Variants in SCLT1 observed in about 807,000 individuals in gnomAD.
SCLT1 encodes the protein sodium channel and clathrin linker 1.
In SCLT1, 78 loss-of-function variants were observed where a neutral mutation model predicts 112.8. The observed-to-expected ratio is 0.69, with a 90% CI of 0.58 to 0.83. The LOEUF is 0.83. Among genes scored for constraint, SCLT1 ranks in the 40% least tolerant of loss-of-function variants. SCLT1 has a pLI of 0.00. For synonymous variants in SCLT1, 257 were observed against 254.7 expected (o/e 1.01, Z -0.09); for missense variants, 747 against 770.4 (o/e 0.97, Z 0.36).
chr4:129,059,327 G>A (rs1749739897), intron 2 of SCLT1, among the ~76,000 whole-genome samples: 1 of 151,968 alleles, frequency 6.6e-6, no homozygotes, highest in Non-Finnish European at 1.5e-5. Flanking sequence ...TTTGTTATTT[G>A]TTTTCTGGTG....
In SCLT1 at chr4:128,876,972, T is replaced by TG. The variant is rs1373120269; in HGVS notation, n.226-337_226-336insC. ...TTGCTTCGATCCCACCACCATTTGCTATATAATTCAGGTCTCTTCATTTTT... is the reference window on the plus strand; with the variant it reads ...TTGCTTCGATCCCACCACCATTTGCTGATATAATTCAGGTCTCTTCATTTTT... On this transcript the variant is annotated intron_variant and non_coding_transcript_variant, in intron 3 of 7. Transcript: ENST00000503565. Among the ~76,000 whole-genome samples, 34 of 152,382 alleles carry TG rather than the reference T, an allele frequency of 2.2e-4. 2 individuals are homozygous for TG. Among genetic ancestry groups the TG allele is most frequent in the African/African-American group, 7.9e-4 (33 of 41,598 alleles).
intron 4 of SCLT1, chr4:129,040,030 A>T (rs914337027): frequency 9.8e-5 from 59 of 599,990 alleles, no homozygotes; most frequent in Non-Finnish European, 9.0e-6. Flanking sequence ...CCTAAGCTAA[A>T]GGAGAGAAGC....
chr4:129,001,015 A>T (rs1232709293), intron 6 of SCLT1, among the ~76,000 whole-genome samples: 1 of 152,036 alleles, frequency 6.6e-6, no homozygotes, highest in South Asian at 2.1e-4. Flanking sequence ...TTGTAGATAA[A>T]CACAGAATAT....
intron 2 of SCLT1, among the ~76,000 whole-genome samples, chr4:129,046,175 C>G (rs1018472797): frequency 4.6e-5 from 7 of 152,098 alleles, no homozygotes; most frequent in African/African-American, 1.7e-4. Flanking sequence ...AAGTACTCTT[C>G]ACTTTGCATA....
chr4:128,880,882 C>G (rs770329053), downstream of SCLT1, among the ~76,000 whole-genome samples: 1 of 152,104 alleles, frequency 6.6e-6, no homozygotes, highest in Non-Finnish European at 1.5e-5. Flanking sequence ...GAAGCCGTAT[C>G]TATTCTCTGG....
intron 18 of SCLT1, among the ~76,000 whole-genome samples, chr4:128,930,436 T>C (rs1736666905): frequency 6.6e-6 from 1 of 152,210 alleles, no homozygotes; most frequent in Non-Finnish European, 1.5e-5. Context: ...CTTCCAATTA[T>C]TTCATGAGTA....
intron 1 of SCLT1, among the ~76,000 whole-genome samples, chr4:129,086,300 C>T (rs1307475115): frequency 1.1e-5 from 1 of 93,212 alleles, no homozygotes; most frequent in African/African-American, 3.8e-5. Flanking sequence ...CCTGAAGATG[C>T]TGGTGTATGT....
At chr4:128,971,173 A>T (rs1019112416) in intron 9 of SCLT1, 159 of 152,298 alleles carry the variant, frequency 1.0e-3, no homozygotes, top group African/African-American at 3.7e-3. Context: ...AAGTGAGTAT[A>T]AAACCCTTTG....
intron 6 of SCLT1, 133 bp downstream of exon 6, chr4:129,003,608 C>T (rs1462968431): frequency 9.7e-6 from 7 of 722,530 alleles, no homozygotes; most frequent in African/African-American, 1.8e-5. Context: ...CTACCTGTAA[C>T]GATTCTTATA....
At chr4:129,051,594 G>A (rs997243804) in intron 2 of SCLT1, among the ~76,000 whole-genome samples, 1 of 152,226 alleles carries the variant, frequency 6.6e-6, no homozygotes, top group Non-Finnish European at 1.5e-5. Context: ...AGACTTTGCT[G>A]AAGTTGCTTA....
intron 2 of SCLT1, among the ~76,000 whole-genome samples, chr4:129,064,832 G>A (rs1750328190): frequency 6.6e-6 from 1 of 152,108 alleles, no homozygotes; most frequent in Non-Finnish European, 1.5e-5. Flanking sequence ...AAATGCCACT[G>A]TGGTCAGAAA....
In SCLT1 at chr4:128,943,124, C is replaced by G; in HGVS notation, c.1504G>C (p.Glu502Gln). Reference sequence around the variant, plus strand: ...CTGACAAGCCCACAGTTCTCTCTCTCAGACTCCAATACATTTTGAAGTTTC... The same window carrying G: ...CTGACAAGCCCACAGTTCTCTCTCTGAGACTCCAATACATTTTGAAGTTTC... ...IQKLQNVLES[E>Q]RENCGLVSEQ... The change falls in exon 17 of 21, where the codon GAG (glutamate) becomes CAG (glutamine). Residue 502 changes from glutamate to glutamine, a missense_variant. By Grantham distance (29) the Glu-to-Gln change is conservative. This residue lies in a region of SCLT1 where 723 missense variants were observed against 721.3 expected (regional missense o/e 1.00). Coordinates refer to ENST00000281142, the MANE Select transcript of SCLT1 (RefSeq NM_144643.4). The G allele has an allele frequency of 1.2e-6, 2 of 1,612,524 alleles. No individual in the cohort carries two copies. The highest frequency in any genetic ancestry group is 1.7e-6 in the Non-Finnish European group (2 of 1,178,922).
chr4:128,881,435 ATGAG>A (rs1370214944), downstream of SCLT1, among the ~76,000 whole-genome samples: 1 of 152,196 alleles, frequency 6.6e-6, no homozygotes, highest in African/African-American at 2.4e-5. Context: ...TGCAGACTTA[ATGAG>A]TGACTGAATT....
At chr4:129,029,548 G>T (rs1333018170) in intron 5 of SCLT1, among the ~76,000 whole-genome samples, 1 of 130,568 alleles carries the variant, frequency 7.7e-6, no homozygotes, top group Admixed American at 7.9e-5. Context: ...GAGGGGGGAG[G>T]GATAGCATTA....
At chr4:128,951,053 T>G (rs1738691242) in intron 14 of SCLT1, among the ~76,000 whole-genome samples, 1 of 152,116 alleles carries the variant, frequency 6.6e-6, no homozygotes, top group African/African-American at 2.4e-5. Context: ...TGAGCATACC[T>G]TACTTTTGGA....
chr4:129,075,420 T>G lies in SCLT1; in HGVS notation c.102+6886A>C, dbSNP rs887814161. Among the ~76,000 whole-genome samples, 4 of 152,310 alleles carry G rather than the reference T, an allele frequency of 2.6e-5. No homozygotes were observed. In the East Asian group the frequency reaches 7.7e-4, roughly 29 times the overall value. ...ACTGATAAACTTACAGTCAACTCCC[T>G]GTAATGTGTTAAATCATCAATCTCC... On this transcript the variant is annotated intron_variant, in intron 2 of 20. Transcript: ENST00000281142.
intron 5 of SCLT1, among the ~76,000 whole-genome samples, chr4:129,025,791 T>C (rs1471740799): frequency 6.6e-6 from 1 of 151,806 alleles, no homozygotes; most frequent in East Asian, 1.9e-4. Context: ...CAGTGTGCTG[T>C]ATTCAGGAAA....
intron 1 of SCLT1, among the ~76,000 whole-genome samples, chr4:129,088,019 T>C (rs1371355149): frequency 1.3e-5 from 2 of 151,298 alleles, no homozygotes; most frequent in Non-Finnish European, 2.9e-5. Context: ...CCCAGGAGGT[T>C]GAGGCTGCAA....
chr4:129,089,860 T>A (rs967341739), intron 1 of SCLT1, among the ~76,000 whole-genome samples: 36 of 138,122 alleles, frequency 2.6e-4, no homozygotes, highest in African/African-American at 9.0e-4. Context: ...CCGGGGCCTG[T>A]TGGGGAGTGG....
Sources: allele counts gnomAD v4.1 joint callset (sites outside exome capture counted in the v4.1 genomes callset), GRCh38; gene constraint gnomAD v4.1.1; regional missense constraint gnomAD v4.1.1; transcripts MANE v1.5; gene names NCBI Gene and HGNC (gene_info 2026-07-23, HGNC 2026-07-21).